The following NXPE3 variants were observed in gnomAD, a reference collection of about 807,000 sequenced individuals.
The protein encoded by NXPE3 is neurexophilin and PC-esterase domain family member 3, also known as NXPE family member 3.
Under a neutral mutation model 46.1 loss-of-function variants are expected in NXPE3, and 26 were observed. The ratio of observed to expected loss-of-function variants is 0.56; its 90% CI spans 0.41 to 0.78. The LOEUF is 0.78. Among genes scored for constraint, NXPE3 ranks in the 30% least tolerant of loss-of-function variants. The pLI is 0.00. For synonymous variants in NXPE3, 272 were observed against 257.9 expected (o/e 1.05, Z -0.52); for missense variants, 620 against 686.0 (o/e 0.90, Z 1.07).
Position 101,801,874 on chromosome 3 carries a change from G to A in NXPE3, c.733G>A (p.Glu245Lys). The change falls in exon 5 of 8, where the codon GAG (glutamate) becomes AAG (lysine). Residue 245 changes from glutamate (E) to lysine (K), a missense_variant. By Grantham distance (56) the Glu-to-Lys change is moderately conservative. This residue lies in a region of NXPE3 where 511 missense variants were observed against 528.6 expected (regional missense o/e 0.97). Transcript: ENST00000273347. Reference protein sequence around the residue: ...LCNFTDLYTGEPWFCFKPKKL... With the variant: ...LCNFTDLYTGKPWFCFKPKKL... ...TAACTTTACAGACCTCTACACTGGG[G>A]AGCCCTGGTTCTGCTTCAAACCAAA... 1 of 1,614,192 alleles carries A rather than the reference G, an allele frequency of 6.2e-7. No homozygotes were observed.
chr3:101,783,165 T>C (rs1939930335), intron 3 of NXPE3, among the ~76,000 whole-genome samples: 1 of 152,046 alleles, frequency 6.6e-6, no homozygotes, highest in South Asian at 2.1e-4. Flanking sequence ...AGGTTCACGC[T>C]GTTCTCCTGC....
intron 4 of NXPE3, among the ~76,000 whole-genome samples, chr3:101,786,878 A>AT (rs1940216807): frequency 1.3e-5 from 2 of 152,128 alleles, no homozygotes; most frequent in African/African-American, 4.8e-5. Flanking sequence ...CCCACCATCT[A>AT]TGTCTAGAAC....
chr3:101,796,876 G>A (rs932318412), intron 4 of NXPE3, among the ~76,000 whole-genome samples: 4 of 152,094 alleles, frequency 2.6e-5, no homozygotes, highest in African/African-American at 9.7e-5. Context: ...TTATAGGTGG[G>A]GATCCTGAGG....
Position 101,816,853 on chromosome 3 carries a change from T to C in NXPE3, c.981T>C (p.Tyr327=), listed in dbSNP as rs769067951. 1 of 1,614,138 alleles carries C rather than the reference T, an allele frequency of 6.2e-7. No homozygotes were observed. Among genetic ancestry groups the C allele is most frequent in the East Asian group, 2.2e-5 (1 of 44,870 alleles). The change falls in exon 7 of 8, where the codon TAT becomes TAC. Residue 327 remains tyrosine (Y), a synonymous_variant. Transcript: ENST00000273347. Reference sequence around the variant, plus strand: ...GAACTTTTCCTTCTGGGTATTATTATAAAGACCAGTGGAGGCCCAGAAAGT... The same window carrying C: ...GAACTTTTCCTTCTGGGTATTATTACAAAGACCAGTGGAGGCCCAGAAAGT... ...GSGTFPSGYY[Y]KDQWRPRKFK...
Position 101,827,760 on chromosome 3 carries a change from T to C in NXPE3, c.*5806T>C, listed in dbSNP as rs1942560384. The stretch of plus-strand genomic sequence containing the variant: ...GTCCGGGACTCGGGTCGGTACCTTT[T>C]TGGTCTGGGAATTTCCAGTGTGCAG... On this transcript the variant is annotated 3_prime_UTR_variant, in exon 8 of 8. Coordinates refer to ENST00000273347, the MANE Select transcript of NXPE3 (RefSeq NM_145037.4). 6.6e-6 allele frequency among the ~76,000 whole-genome samples: 1 copy of C among 152,160 alleles called. No individual in the cohort carries two copies. The highest frequency in any genetic ancestry group is 1.5e-5 in the Non-Finnish European group (1 of 68,020).
At chr3:101,816,684 C>T in intron 6 of NXPE3, 111 bp from the exon 7 acceptor site, 1 of 810,106 alleles carries the variant, frequency 1.2e-6, no homozygotes, top group Non-Finnish European at 1.9e-6. Context: ...GGAAATGTTT[C>T]CCACATGCTA....
rs775793855 is a variant in NXPE3, at chr3:101,801,348, C to T, written c.207C>T (p.Thr69=). The change falls in exon 5 of 8, where the codon ACC becomes ACT. Residue 69 remains threonine, a synonymous_variant. Coordinates refer to ENST00000273347, the MANE Select transcript of NXPE3 (RefSeq NM_145037.4). ...CCTACTGTGGCTATGATCAGCAGAC[C>T]CTGTCCAGCCAGGAGCGCATGGAGG... is the stretch of plus-strand genomic sequence containing the variant. The part of the protein sequence containing the change: ...RNPYCGYDQQ[T]LSSQERMEED... The T allele has an allele frequency of 1.2e-6, 2 of 1,614,064 alleles. No homozygotes were observed. The highest frequency in any genetic ancestry group is 1.3e-5 in the African/African-American group (1 of 74,908).
intron 7 of NXPE3, among the ~76,000 whole-genome samples, chr3:101,818,743 ATATATATATATTTTTTTTTTTTT>A (rs1157303761): frequency 7.3e-5 from 2 of 27,364 alleles, no homozygotes; most frequent in Non-Finnish European, 1.3e-4. Context: ...ATATATATAT[ATATATATATATTTTTTTTTTTTT>A]TTTTTTTTTT....
chr3:101,809,418 A>AT (rs981771340), intron 6 of NXPE3, among the ~76,000 whole-genome samples: 5 of 152,012 alleles, frequency 3.3e-5, no homozygotes, highest in Non-Finnish European at 5.9e-5. Flanking sequence ...AGGGCTCATA[A>AT]TTTTTTTTCC....
chr3:101,810,135 C>G (rs1026825907), intron 6 of NXPE3, among the ~76,000 whole-genome samples: 4 of 152,156 alleles, frequency 2.6e-5, no homozygotes, highest in African/African-American at 9.7e-5. Context: ...AGCTGACTAC[C>G]TTTTTAAGAG....
At chr3:101,812,935 A>G (rs1201570229) in intron 6 of NXPE3, among the ~76,000 whole-genome samples, 2 of 151,902 alleles carry the variant, frequency 1.3e-5, no homozygotes, top group East Asian at 3.9e-4. Context: ...TTACCTCTGT[A>G]AACTGCAGAG....
At chr3:101,789,451 C>T (rs1350771327) in intron 4 of NXPE3, among the ~76,000 whole-genome samples, 2 of 152,028 alleles carry the variant, frequency 1.3e-5, no homozygotes, top group Non-Finnish European at 1.5e-5. Context: ...GAAGCTGAGA[C>T]GGGAGAATCC....
At chr3:101,784,513 A>G (rs942076250) in intron 3 of NXPE3, among the ~76,000 whole-genome samples, 19 of 152,126 alleles carry the variant, frequency 1.2e-4, no homozygotes, top group Admixed American at 7.9e-4. Context: ...GAGTTGATGC[A>G]GCTGAGTTAT....
chr3:101,788,331 CT>C (rs1940310723), intron 4 of NXPE3, among the ~76,000 whole-genome samples: 1 of 152,054 alleles, frequency 6.6e-6, no homozygotes. Context: ...CCATAGGTTG[CT>C]TTTTCACTCT....
chr3:101,805,971 A>C (rs1332345274), intron 5 of NXPE3, among the ~76,000 whole-genome samples: 1 of 152,062 alleles, frequency 6.6e-6, no homozygotes, highest in African/African-American at 2.4e-5. Context: ...AAAGTAGTTT[A>C]TATGTGCTCT....
chr3:101,791,814 AG>A (rs754756234), intron 4 of NXPE3, among the ~76,000 whole-genome samples: 1 of 136,078 alleles, frequency 7.3e-6, no homozygotes, highest in African/African-American at 2.6e-5. Flanking sequence ...CTCTGTAATA[AG>A]ATTGCTGGTG....
At chr3:101,814,339 C>T (rs1244681347) in intron 6 of NXPE3, among the ~76,000 whole-genome samples, 2 of 152,200 alleles carry the variant, frequency 1.3e-5, no homozygotes, top group African/African-American at 4.8e-5. Context: ...TATTTTTGAA[C>T]AAGCCTAGGA....
At chr3:101,814,327 A>G (rs749468090) in intron 6 of NXPE3, among the ~76,000 whole-genome samples, 20 of 152,240 alleles carry the variant, frequency 1.3e-4, no homozygotes, top group Non-Finnish European at 5.9e-5. Context: ...ATGTTGAGAA[A>G]TTATTTTTGA....
At chr3:101,805,379 ATTTTG>A (rs1270040620) in intron 5 of NXPE3, among the ~76,000 whole-genome samples, 1 of 146,872 alleles carries the variant, frequency 6.8e-6, no homozygotes, top group African/African-American at 2.5e-5. Context: ...TCTTTAGCCT[ATTTTG>A]TTTTGTACAA....
Sources: gnomAD v4.1 joint callset for allele counts (sites outside exome capture counted in the v4.1 genomes callset) on GRCh38, gnomAD v4.1.1 for gene constraint, gnomAD v4.1.1 regional missense constraint, MANE v1.5 for transcripts, NCBI Gene and HGNC (gene_info 2026-07-23, HGNC 2026-07-21) for gene names.